Variants in PPP1R16B observed in about 807,000 individuals in gnomAD.
PPP1R16B encodes the protein protein phosphatase 1 regulatory subunit 16B, also known as protein phosphatase 1 regulatory inhibitor subunit 16B.
In PPP1R16B, 14 loss-of-function variants were observed where a neutral mutation model predicts 61.7. The ratio of observed to expected loss-of-function variants is 0.23; its 90% CI spans 0.15 to 0.35. The LOEUF is 0.35. Ranked by LOEUF, PPP1R16B falls within the 10% of genes least tolerant of loss-of-function variation. The pLI is 1.00. For synonymous variants in PPP1R16B, 266 were observed against 305.3 expected, an observed-to-expected ratio of 0.87 and a Z score of 1.34; for missense variants, 547 against 752.5, an observed-to-expected ratio of 0.73 and a Z score of 3.19.
intron 2 of PPP1R16B, among the ~76,000 whole-genome samples, chr20:38,877,599 A>G (rs1337219643): frequency 2.0e-5 from 3 of 152,128 alleles, no homozygotes; most frequent in Non-Finnish European, 4.4e-5. Flanking sequence ...GGTGTGAGTC[A>G]CCACACCCAG....
At chr20:38,868,980 A>G (rs2085108064) in intron 2 of PPP1R16B, among the ~76,000 whole-genome samples, 1 of 152,062 alleles carries the variant, frequency 6.6e-6, no homozygotes, top group Non-Finnish European at 1.5e-5. Context: ...CCTATGTTAT[A>G]TTTCTCTAGG....
chr20:38,824,887 G>A (rs1374298975), intron 1 of PPP1R16B, among the ~76,000 whole-genome samples: 4 of 152,194 alleles, frequency 2.6e-5, no homozygotes, highest in Non-Finnish European at 4.4e-5. Flanking sequence ...AAAATTAGCT[G>A]GGAGGCTGAA....
chr20:38,881,561 A>AG (rs1453100383), intron 2 of PPP1R16B, among the ~76,000 whole-genome samples: 1 of 152,168 alleles, frequency 6.6e-6, no homozygotes, highest in Non-Finnish European at 1.5e-5. Flanking sequence ...GCTTGGAAGC[A>AG]GGGGCAGGCT....
intron 1 of PPP1R16B, among the ~76,000 whole-genome samples, chr20:38,809,985 G>GAAAAAAAA (rs11086731): frequency 3.1e-4 from 25 of 80,024 alleles, no homozygotes; most frequent in Admixed American, 8.6e-4. Flanking sequence ...ACCTTGTTTC[G>GAAAAAAAA]AAAAAAAAAA....
rs189163695 is a variant in PPP1R16B, at chr20:38,849,467, A to C, written c.250+13292A>C. On this transcript the variant is annotated intron_variant, in intron 2 of 10. Coordinates refer to ENST00000299824, the MANE Select transcript of PPP1R16B (RefSeq NM_015568.4). ...GCTCTACTCTGTCTACGTTCTTCCC[A>C]AAGTCTGATCTGGCTCACTCTGGAG... Among the ~76,000 whole-genome samples, 15 of 152,210 alleles carry C rather than the reference A, an allele frequency of 9.9e-5. No homozygotes were observed. In the East Asian group the frequency reaches 2.9e-3, roughly 29 times the overall value.
At chr20:38,842,517 T>C (rs1012610111) in intron 2 of PPP1R16B, among the ~76,000 whole-genome samples, 6 of 152,240 alleles carry the variant, frequency 3.9e-5, no homozygotes, top group African/African-American at 1.4e-4. Flanking sequence ...TTAACTCTTA[T>C]TAAATTTAAT....
At chr20:38,813,192 C>T (rs1334187387) in intron 1 of PPP1R16B, among the ~76,000 whole-genome samples, 1 of 152,204 alleles carries the variant, frequency 6.6e-6, no homozygotes, top group African/African-American at 2.4e-5. Context: ...AGGCCTGGGA[C>T]CAGACTTGAC....
intron 1 of PPP1R16B, among the ~76,000 whole-genome samples, chr20:38,814,942 C>T (rs944211313): frequency 1.3e-5 from 2 of 152,196 alleles, no homozygotes; most frequent in Non-Finnish European, 2.9e-5. Context: ...CTGTCGTTGG[C>T]TATCCCATGG....
At chr20:38,878,648 T>C (rs148232132) in intron 2 of PPP1R16B, among the ~76,000 whole-genome samples, 94 of 152,284 alleles carry the variant, frequency 6.2e-4, no homozygotes, top group African/African-American at 2.1e-3. Flanking sequence ...GTCATGTGGT[T>C]GTTGTGGGGA....
intron 4 of PPP1R16B, among the ~76,000 whole-genome samples, chr20:38,896,766 C>T (rs2085352714): frequency 6.6e-6 from 1 of 152,130 alleles, no homozygotes; most frequent in African/African-American, 2.4e-5. Context: ...ACAGTAATTC[C>T]CATTCCCTGC....
intron 3 of PPP1R16B, among the ~76,000 whole-genome samples, chr20:38,893,825 A>G (rs2085310935): frequency 6.6e-6 from 1 of 152,074 alleles, no homozygotes; most frequent in African/African-American, 2.4e-5. Context: ...CCCTTCAACC[A>G]GAGGCTTCCA....
intron 2 of PPP1R16B, among the ~76,000 whole-genome samples, chr20:38,864,359 A>AAT (rs1230764417): frequency 6.6e-6 from 1 of 152,254 alleles, no homozygotes; most frequent in African/African-American, 2.4e-5. Context: ...ATGTCTCAAT[A>AAT]AAGCCGTTTA....
intron 2 of PPP1R16B, among the ~76,000 whole-genome samples, chr20:38,855,959 G>T (rs1187705381): frequency 3.1e-5 from 1 of 32,434 alleles, no homozygotes; most frequent in Non-Finnish European, 5.3e-5. Flanking sequence ...GAGAGAGAGA[G>T]AGAGAGAGAG....
intron 5 of PPP1R16B, among the ~76,000 whole-genome samples, chr20:38,900,928 G>A (rs1429213275): frequency 6.6e-6 from 1 of 152,220 alleles, no homozygotes; most frequent in Non-Finnish European, 1.5e-5. Context: ...ACCCACACAC[G>A]CAGGTGGCCG....
chr20:38,844,476 A>G, intron 2 of PPP1R16B, among the ~76,000 whole-genome samples: 1 of 152,242 alleles, frequency 6.6e-6, no homozygotes, highest in East Asian at 1.9e-4. Context: ...GCTCCATGAG[A>G]GAAGAGACTA....
intron 2 of PPP1R16B, among the ~76,000 whole-genome samples, chr20:38,846,701 A>C (rs2084937475): frequency 6.6e-6 from 1 of 152,162 alleles, no homozygotes; most frequent in Non-Finnish European, 1.5e-5. Context: ...GTGAATATCA[A>C]TGTATAAAAG....
At chr20:38,884,391 T>G (rs554079453) in intron 2 of PPP1R16B, among the ~76,000 whole-genome samples, 1 of 152,330 alleles carries the variant, frequency 6.6e-6, no homozygotes, top group Non-Finnish European at 1.5e-5. Context: ...ACCAGGGGTC[T>G]GCAAACCTTT....
In PPP1R16B at chr20:38,837,291, C is replaced by T. The variant is rs576130278; in HGVS notation, c.250+1116C>T. 7.2e-5 allele frequency among the ~76,000 whole-genome samples: 11 copies of T among 152,286 alleles called. No individual in the cohort carries two copies. In the South Asian group the frequency reaches 2.1e-3, roughly 29 times the overall value. On this transcript the variant is annotated intron_variant, in intron 2 of 10. Transcript: ENST00000299824. ...ATCCACTTTAAGGGCTTGCTGTGAA[C>T]ATTAAGTTAGAAAATCCCTGTGAAG...
intron 1 of PPP1R16B, among the ~76,000 whole-genome samples, chr20:38,832,250 A>G (rs2084842078): frequency 6.6e-6 from 1 of 152,158 alleles, no homozygotes; most frequent in Non-Finnish European, 1.5e-5. Context: ...GGTTACTGGG[A>G]TAATTAAATG....
Sources: gnomAD v4.1 joint callset for allele counts (sites outside exome capture counted in the v4.1 genomes callset) on GRCh38, gnomAD v4.1.1 for gene constraint, MANE v1.5 for transcripts, NCBI Gene and HGNC (gene_info 2026-07-23, HGNC 2026-07-21) for gene names.